TRAT1: variants seen among roughly 807,000 people sequenced by gnomAD.
TRAT1 encodes T-cell receptor-associated transmembrane adapter 1.
In TRAT1, 20 loss-of-function variants were observed where a neutral mutation model predicts 20.0. That is an observed-to-expected ratio of 1.00 (90% CI 0.70 to 1.45). The LOEUF (loss-of-function observed/expected upper bound fraction) is 1.45. Among genes scored for constraint, TRAT1 ranks in the 40% most tolerant of loss-of-function variants. The pLI, the probability that TRAT1 is intolerant of heterozygous loss-of-function variation, is 0.00. For missense variants in TRAT1, 237 were observed against 224.1 expected (o/e 1.06, Z -0.37); for synonymous variants, 77 against 74.2 (o/e 1.04, Z -0.20).
chr3:108,836,673 T>C lies in TRAT1; in HGVS notation c.119-2261T>C, dbSNP rs182845827. Among the ~76,000 whole-genome samples, 229 of 152,190 alleles carry C rather than the reference T, an allele frequency of 1.5e-3. 2 individuals are homozygous for C. The highest frequency in any genetic ancestry group is 1.5e-3 in the Non-Finnish European group (101 of 68,022). On this transcript the variant is annotated intron_variant, in intron 2 of 5. Transcript: ENST00000295756. ...TATGTATAATATTAATAACAAACTT[T>C]GTCATTAAAAAATGTTTTTACAGAA...
Position 108,853,903 on chromosome 3 carries a change from T to A in TRAT1, c.*26T>A. The stretch of plus-strand genomic sequence containing the variant: ...CTGGACCATGATCTAGTTCAATGAT[T>A]TGGCTCCTATTGAAGATGGCTTCTA... On this transcript the variant is annotated 3_prime_UTR_variant, in exon 6 of 6. Coordinates refer to ENST00000295756, the MANE Select transcript of TRAT1 (RefSeq NM_016388.4). 1.2e-6 allele frequency: 2 copies of A among 1,606,536 alleles called. No homozygotes were observed. Among genetic ancestry groups the A allele is most frequent in the Non-Finnish European group, 1.7e-6 (2 of 1,175,020 alleles).
At chr3:108,829,413 G>T (rs1360074294) in intron 1 of TRAT1, among the ~76,000 whole-genome samples, 1 of 151,970 alleles carries the variant, frequency 6.6e-6, no homozygotes, top group Non-Finnish European at 1.5e-5. Context: ...GTGAAACCCT[G>T]TCTCTACTAA....
intron 2 of TRAT1, among the ~76,000 whole-genome samples, chr3:108,831,789 T>C (rs1945796843): frequency 6.6e-6 from 1 of 152,104 alleles, no homozygotes; most frequent in African/African-American, 2.4e-5. Context: ...GCCATCCTCC[T>C]GCCTTGGCCT....
At chr3:108,852,146 C>T (rs1946003417) in intron 5 of TRAT1, among the ~76,000 whole-genome samples, 1 of 152,104 alleles carries the variant, frequency 6.6e-6, no homozygotes, top group Non-Finnish European at 1.5e-5. Flanking sequence ...TTTGGGAGGC[C>T]GAGGCGGGCG....
chr3:108,828,399 T>C (rs770940556), intron 1 of TRAT1, among the ~76,000 whole-genome samples: 15 of 151,992 alleles, frequency 9.9e-5, no homozygotes, highest in Non-Finnish European at 4.4e-5. Flanking sequence ...TAAGTCAAGG[T>C]GAAGGGAAAA....
chr3:108,853,471 G>A, intron 5 of TRAT1, 149 bp from the exon 6 acceptor site: 1 of 856,824 alleles, frequency 1.2e-6, no homozygotes. Context: ...TCTGTTTTTT[G>A]TTTTTGTTTT....
At position 108,853,462 on chromosome 3, in the gene TRAT1, C is replaced by T. The variant is rs113894797; in HGVS notation, c.304-158C>T. Among the ~76,000 whole-genome samples the T allele has an allele frequency of 7.9e-5, 12 of 152,240 alleles. 2 individuals carry two copies. Among genetic ancestry groups the T allele is most frequent in the African/African-American group, 2.6e-4 (11 of 41,546 alleles). On this transcript the variant is annotated intron_variant, in intron 5 of 5. Transcript: ENST00000295756. ...TGTTGGCTGACTATAGTTTTCTGTT[C>T]TGTTTTTTGTTTTTGTTTTTTGTAC... is the stretch of plus-strand genomic sequence containing the variant.
rs533935267 is a variant in TRAT1, at chr3:108,828,388, A to G, written c.8-2282A>G. Among the ~76,000 whole-genome samples, 255 of 152,316 alleles carry G rather than the reference A, an allele frequency of 1.7e-3. 2 individuals carry two copies. The highest frequency in any genetic ancestry group is 3.4e-3 in the Middle Eastern group (1 of 294). ...GTGTAACAGTATGAAAGATAACCAA[A>G]TAAGTCAAGGTGAAGGGAAAATAAG... On this transcript the variant is annotated intron_variant, in intron 1 of 5. Transcript: ENST00000295756.
chr3:108,822,875 A>G lies in TRAT1; in HGVS notation c.-53A>G. On this transcript the variant is annotated 5_prime_UTR_variant, in exon 1 of 6. Transcript: ENST00000295756. ...GAAAAAAGTTTGTAGGAGGATTTTT[A>G]ATCCATATATTTGTCTTATGGCTAG... 1 of 1,552,148 alleles carries G rather than the reference A, an allele frequency of 6.4e-7. No individual in the cohort carries two copies. Among genetic ancestry groups the G allele is most frequent in the South Asian group, 1.1e-5 (1 of 87,902 alleles).
chr3:108,852,251 G>T (rs1222104570), intron 5 of TRAT1, among the ~76,000 whole-genome samples: 3 of 152,084 alleles, frequency 2.0e-5, no homozygotes, highest in Non-Finnish European at 4.4e-5. Context: ...CGTGGTGGTG[G>T]GCACCTATAA....
At chr3:108,839,021 C>A in intron 3 of TRAT1, 54 bp downstream of exon 3, 8 of 1,338,144 alleles carry the variant, frequency 6.0e-6, no homozygotes, top group Non-Finnish European at 8.6e-6. Flanking sequence ...GCAAAAGTAA[C>A]AATGCTATAT....
chr3:108,833,787 T>A (rs892662148), intron 2 of TRAT1, among the ~76,000 whole-genome samples: 1 of 140,850 alleles, frequency 7.1e-6, no homozygotes, highest in Non-Finnish European at 1.5e-5. Context: ...ACCCTAGGGT[T>A]CTTGTAAGAA....
chr3:108,824,187 T>A (rs977739794), intron 1 of TRAT1, among the ~76,000 whole-genome samples: 1 of 152,216 alleles, frequency 6.6e-6, no homozygotes, highest in Non-Finnish European at 1.5e-5. Flanking sequence ...ATACAGTTTT[T>A]AAAAATATTT....
chr3:108,830,611 G>T, intron 1 of TRAT1, 59 bp from the exon 2 acceptor site: 1 of 1,173,684 alleles, frequency 8.5e-7, no homozygotes, highest in South Asian at 1.2e-5. Context: ...GCAATAGCCA[G>T]ACCAAAACAA....
chr3:108,847,021 T>C (rs1945953202), intron 3 of TRAT1, 47 bp from the exon 4 acceptor site: 1 of 1,192,388 alleles, frequency 8.4e-7, no homozygotes, highest in Non-Finnish European at 1.2e-6. Flanking sequence ...TTATGAATTA[T>C]GTGAAAAGTG....
chr3:108,834,499 C>G (rs1945821786), intron 2 of TRAT1, among the ~76,000 whole-genome samples: 1 of 152,216 alleles, frequency 6.6e-6, no homozygotes, highest in Non-Finnish European at 1.5e-5. Flanking sequence ...GCTCTGCAAA[C>G]AGTTCAGTTC....
intron 3 of TRAT1, among the ~76,000 whole-genome samples, chr3:108,840,746 A>G (rs529817328): frequency 1.3e-5 from 2 of 152,298 alleles, no homozygotes; most frequent in East Asian, 1.9e-4. Context: ...CACATTTACT[A>G]CTTTCCTGAG....
intron 5 of TRAT1, among the ~76,000 whole-genome samples, chr3:108,852,249 T>C (rs1946004416): frequency 6.6e-6 from 1 of 152,068 alleles, no homozygotes; most frequent in South Asian, 2.1e-4. Flanking sequence ...GGCGTGGTGG[T>C]GGGCACCTAT....
intron 1 of TRAT1, 107 bp downstream of exon 1, chr3:108,823,041 A>T: frequency 1.0e-6 from 1 of 965,088 alleles, no homozygotes; most frequent in Non-Finnish European, 1.6e-6. Context: ...GTTATTTTAA[A>T]AATGTTGGAT....
Sources: allele counts gnomAD v4.1 joint callset (sites outside exome capture counted in the v4.1 genomes callset), GRCh38; gene constraint gnomAD v4.1.1; transcripts MANE v1.5; gene names NCBI Gene and HGNC (gene_info 2026-07-23, HGNC 2026-07-21).